The following EIF2B3 variants were observed in gnomAD, a reference collection of about 807,000 sequenced individuals.
The protein encoded by EIF2B3 is eukaryotic translation initiation factor 2B subunit gamma, also known as translation initiation factor eIF2B subunit gamma.
A neutral mutation model predicts 54.1 loss-of-function variants in EIF2B3; 20 were observed. That is an observed-to-expected ratio of 0.37 (90% CI 0.26 to 0.54). The LOEUF (loss-of-function observed/expected upper bound fraction) is 0.54. EIF2B3 is among the 20% of genes least tolerant of loss of function. The pLI, the probability that EIF2B3 is intolerant of heterozygous loss-of-function variation, is 0.86. For missense variants in EIF2B3, 448 were observed against 547.8 expected (o/e 0.82, Z 1.82); for synonymous variants, 153 against 188.1 (o/e 0.81, Z 1.52).
At chr1:44,924,274 A>C (rs1643809110) in intron 5 of EIF2B3, among the ~76,000 whole-genome samples, 1 of 151,530 alleles carries the variant, frequency 6.6e-6, no homozygotes, top group Non-Finnish European at 1.5e-5. Flanking sequence ...TTTCTTTTTT[A>C]CCTAGATCAC....
chr1:44,886,752 C>T (rs1655598539), intron 6 of EIF2B3, among the ~76,000 whole-genome samples: 2 of 152,330 alleles, frequency 1.3e-5, no homozygotes, highest in South Asian at 2.1e-4. Context: ...TGTTTTTGTA[C>T]CTCACTTCTG....
At chr1:44,958,758 C>A in intron 3 of EIF2B3, 1 of 1,529,022 alleles carries the variant, frequency 6.5e-7, no homozygotes, top group Non-Finnish European at 9.1e-7. Flanking sequence ...AGAACTCAAT[C>A]CATCAGAGAA....
chr1:44,870,176 AAGAGAGAGAGAGAGAG>A (rs57863923), intron 10 of EIF2B3, among the ~76,000 whole-genome samples: 4 of 146,100 alleles, frequency 2.7e-5, no homozygotes, highest in African/African-American at 7.7e-5. Context: ...CGTCTCAAAA[AAGAGAGAGAGAGAGAG>A]AGAGAGAGAG....
chr1:44,850,782 G>T lies in EIF2B3; in HGVS notation c.*169C>A. 1.4e-6 allele frequency: 1 copy of T among 695,418 alleles called. No homozygotes were observed. 43.1% of individuals were successfully genotyped at this position (695,418 alleles called of 1,614,324 possible). A position where few individuals can be genotyped will look rare whatever the true frequency, so the allele number is the denominator to read the frequency against. ...ACCACATGACACATGAACATACACT[G>T]TGTACACCTGGAGCCCACCTGACAT... is the stretch of plus-strand genomic sequence containing the variant. On this transcript the variant is annotated 3_prime_UTR_variant, in exon 12 of 12. Coordinates refer to ENST00000360403, the MANE Select transcript of EIF2B3 (RefSeq NM_020365.5).
chr1:44,972,876 A>G (rs1644416931), intron 3 of EIF2B3, among the ~76,000 whole-genome samples: 1 of 151,756 alleles, frequency 6.6e-6, no homozygotes, highest in African/African-American at 2.4e-5. Flanking sequence ...CCCTCATCTC[A>G]ACAAAAAATA....
At chr1:44,905,974 T>C (rs1010615947) in intron 5 of EIF2B3, among the ~76,000 whole-genome samples, 1 of 152,142 alleles carries the variant, frequency 6.6e-6, no homozygotes, top group African/African-American at 2.4e-5. Context: ...TCTAGAAGCA[T>C]CTCACTCCCC....
intron 5 of EIF2B3, among the ~76,000 whole-genome samples, chr1:44,900,504 G>T (rs1273721534): frequency 6.6e-6 from 1 of 151,010 alleles, no homozygotes; most frequent in African/African-American, 2.4e-5. Flanking sequence ...CAACCAGGGG[G>T]AGGGAGGAGA....
chr1:44,959,285 C>A, intron 3 of EIF2B3: 1 of 670,660 alleles, frequency 1.5e-6, no homozygotes, highest in South Asian at 1.5e-5. Flanking sequence ...GTGGGTTCTT[C>A]CACAGCACCT....
At chr1:44,851,565 G>T (rs924671421) in intron 11 of EIF2B3, among the ~76,000 whole-genome samples, 15 of 152,180 alleles carry the variant, frequency 9.9e-5, no homozygotes, top group African/African-American at 3.6e-4. Context: ...AGGGTGAATA[G>T]TTTCTACAGG....
chr1:44,948,579 G>A (rs1320112116), intron 3 of EIF2B3, among the ~76,000 whole-genome samples: 1 of 151,836 alleles, frequency 6.6e-6, no homozygotes, highest in Admixed American at 6.6e-5. Flanking sequence ...ACTATAATAT[G>A]ATATGCTCTT....
intron 8 of EIF2B3, 121 bp from the exon 9 acceptor site, chr1:44,875,816 G>A (rs1009644550): frequency 6.2e-6 from 5 of 811,392 alleles, no homozygotes; most frequent in South Asian, 1.4e-5. Flanking sequence ...CTCTTTCCAC[G>A]GTCTCCCTCT....
At chr1:44,884,035 C>T (rs894523693) in intron 6 of EIF2B3, among the ~76,000 whole-genome samples, 4 of 152,150 alleles carry the variant, frequency 2.6e-5, no homozygotes, top group Non-Finnish European at 4.4e-5. Flanking sequence ...GGCAAAGTCT[C>T]ACTATGTTGC....
chr1:44,903,901 C>G (rs1486027079), intron 5 of EIF2B3, among the ~76,000 whole-genome samples: 1 of 152,086 alleles, frequency 6.6e-6, no homozygotes, highest in Non-Finnish European at 1.5e-5. Context: ...TGGCAAAACC[C>G]CATCTCTACT....
chr1:44,929,343 T>C (rs1312814564), intron 4 of EIF2B3, among the ~76,000 whole-genome samples: 1 of 152,182 alleles, frequency 6.6e-6, no homozygotes, highest in Non-Finnish European at 1.5e-5. Flanking sequence ...TAACCAAATA[T>C]ATGATTCAAT....
Position 44,979,247 on chromosome 1 carries a change from AAAAC to A in EIF2B3, c.149-791_149-788del, listed in dbSNP as rs761510441. On this transcript the variant is annotated intron_variant, in intron 2 of 11. Coordinates refer to ENST00000360403, the MANE Select transcript of EIF2B3 (RefSeq NM_020365.5). ...CTGGGTAACAGAGTGAGTCTGTCTC[AAAAC>A]AAACAAACAAACAAAAAAAAACCTC... is the stretch of plus-strand genomic sequence containing the variant. Among the ~76,000 whole-genome samples, 108 of 151,402 alleles carry A rather than the reference AAAAC, an allele frequency of 7.1e-4. 1 individual carries two copies. The Middle Eastern group carries it at 0.014, about 19-fold the overall frequency.
chr1:44,904,595 G>A (rs909080138), intron 5 of EIF2B3, among the ~76,000 whole-genome samples: 2 of 152,030 alleles, frequency 1.3e-5, no homozygotes, highest in Non-Finnish European at 2.9e-5. Context: ...CTCACTGCAA[G>A]CTCTGCCTCC....
chr1:44,859,923 AT>A (rs1309401517), intron 10 of EIF2B3, among the ~76,000 whole-genome samples: 1 of 151,006 alleles, frequency 6.6e-6, no homozygotes, highest in Non-Finnish European at 1.5e-5. Flanking sequence ...CACCTGGCTC[AT>A]TTTTTGTATT....
intron 5 of EIF2B3, among the ~76,000 whole-genome samples, chr1:44,923,287 T>G (rs1364804340): frequency 6.6e-6 from 1 of 152,232 alleles, no homozygotes; most frequent in Non-Finnish European, 1.5e-5. Context: ...GTGGGCATCC[T>G]TGTCTAGTAA....
chr1:44,982,541 A>G (rs1644525961), intron 1 of EIF2B3, among the ~76,000 whole-genome samples: 1 of 152,130 alleles, frequency 6.6e-6, no homozygotes, highest in South Asian at 2.1e-4. Flanking sequence ...CAGGTGATCC[A>G]CCGGAGTCGG....
Sources: allele counts gnomAD v4.1 joint callset (sites outside exome capture counted in the v4.1 genomes callset), GRCh38; gene constraint gnomAD v4.1.1; transcripts MANE v1.5; gene names NCBI Gene and HGNC (gene_info 2026-07-23, HGNC 2026-07-21).